Variants in ANTXR2 observed in about 807,000 individuals in gnomAD.
The protein encoded by ANTXR2 is ANTXR cell adhesion molecule 2.
ANTXR2 carries 44 observed loss-of-function variants against 73.7 expected under a neutral mutation model. The observed-to-expected ratio is 0.60, with a 90% CI of 0.47 to 0.77. ANTXR2 has a LOEUF of 0.77. Ranked by LOEUF, ANTXR2 falls within the 30% of genes least tolerant of loss-of-function variation. ANTXR2 has a pLI of 0.00. For synonymous variants in ANTXR2, 217 were observed against 205.9 expected (o/e 1.05, Z -0.46); for missense variants, 604 against 592.5 (o/e 1.02, Z -0.20).
intron 16 of ANTXR2, among the ~76,000 whole-genome samples, chr4:79,930,143 G>A (rs1727998905): frequency 6.6e-6 from 1 of 152,052 alleles, no homozygotes; most frequent in Non-Finnish European, 1.5e-5. Context: ...TACTTGTATA[G>A]TTCTTTTAAA....
chr4:80,005,212 T>C (rs1431028155), intron 12 of ANTXR2, among the ~76,000 whole-genome samples: 3 of 152,130 alleles, frequency 2.0e-5, no homozygotes, highest in African/African-American at 7.2e-5. Context: ...ACGATGCTCA[T>C]GGAGGTGGAT....
At chr4:80,001,348 G>A (rs1436697030) in intron 12 of ANTXR2, among the ~76,000 whole-genome samples, 1 of 128,116 alleles carries the variant, frequency 7.8e-6, no homozygotes, top group Non-Finnish European at 1.6e-5. Context: ...CCCAGAGTGT[G>A]ATATTCCCCT....
intron 16 of ANTXR2, among the ~76,000 whole-genome samples, chr4:79,911,419 G>GAAATAAT: frequency 6.6e-6 from 1 of 151,804 alleles, no homozygotes; most frequent in East Asian, 1.9e-4. Context: ...TTAACTAAAT[G>GAAATAAT]GTTTAATAAG....
intron 8 of ANTXR2, among the ~76,000 whole-genome samples, chr4:80,035,529 G>A (rs1001707613): frequency 1.3e-5 from 2 of 152,090 alleles, no homozygotes; most frequent in African/African-American, 4.8e-5. Context: ...AGCTGATAAA[G>A]CCACCTGCTT....
At chr4:80,000,095 A>G (rs181096840) in intron 12 of ANTXR2, among the ~76,000 whole-genome samples, 27 of 152,178 alleles carry the variant, frequency 1.8e-4, no homozygotes, top group Non-Finnish European at 3.8e-4. Flanking sequence ...TAAATTCACA[A>G]TTCTTAGGTG....
intron 12 of ANTXR2, among the ~76,000 whole-genome samples, chr4:80,007,287 C>T (rs770780780): frequency 7.2e-5 from 11 of 152,060 alleles, no homozygotes; most frequent in Non-Finnish European, 1.2e-4. Context: ...TTATGTAAAA[C>T]ATTACCATGA....
intron 16 of ANTXR2, among the ~76,000 whole-genome samples, chr4:79,951,092 CAAAAT>C (rs1728683436): frequency 6.6e-6 from 1 of 151,998 alleles, no homozygotes; most frequent in Admixed American, 6.6e-5. Flanking sequence ...TGTAGGAAAA[CAAAAT>C]AAAACAAACA....
chr4:79,975,914 C>CTTTTT lies in ANTXR2; in HGVS notation c.1428+1702_1428+1706dup, dbSNP rs528899255. ...CAGGAATAAATTTTCTCAAATTACACTTTTTTTTTTTTTTTTGAGACGTAG... is the reference window on the plus strand; with the variant it reads ...CAGGAATAAATTTTCTCAAATTACACTTTTTTTTTTTTTTTTTTTTTGAGACGTAG... On this transcript the variant is annotated intron_variant, in intron 16 of 16. Transcript: ENST00000403729. 4.7e-3 allele frequency among the ~76,000 whole-genome samples: 640 copies of CTTTTT among 135,728 alleles called. 16 individuals are homozygous for CTTTTT. Among genetic ancestry groups the CTTTTT allele is most frequent in the South Asian group, 0.013 (56 of 4,230 alleles). The allele number at this position is 135,728 out of a possible 152,430, so 89.0% of individuals were successfully genotyped here.
intron 16 of ANTXR2, among the ~76,000 whole-genome samples, chr4:79,933,990 G>A (rs1728163207): frequency 2.0e-5 from 3 of 151,834 alleles, no homozygotes; most frequent in Admixed American, 6.6e-5. Flanking sequence ...CGCCCGCCTC[G>A]GCCTCCCAAA....
intron 10 of ANTXR2, 105 bp from the exon 11 acceptor site, chr4:80,019,081 A>G: frequency 1.3e-6 from 1 of 744,018 alleles, no homozygotes; most frequent in East Asian, 3.3e-5. Flanking sequence ...ACATACTTAA[A>G]GAGTAAGGGT....
At chr4:80,036,782 C>T (rs181171305) in intron 7 of ANTXR2, among the ~76,000 whole-genome samples, 17 of 152,144 alleles carry the variant, frequency 1.1e-4, no homozygotes, top group East Asian at 7.7e-4. Context: ...AGCAAGCCTC[C>T]GTCTCAAACA....
rs1560849881 is a variant in ANTXR2, at chr4:79,915,814, GTCTCTGTCTCTCTCCC to G, written c.1429-8363_1429-8348del. 5.4e-5 allele frequency among the ~76,000 whole-genome samples: 5 copies of G among 93,156 alleles called. No homozygotes were observed. The South Asian group carries it at 2.1e-3, about 39-fold the overall frequency. 61.1% of individuals were successfully genotyped at this position (93,156 alleles called of 152,430 possible). A position where few individuals can be genotyped will look rare whatever the true frequency, so the allele number is the denominator to read the frequency against. ...TCTTTCTCTCTCTGTCTCTGTCTCT[GTCTCTGTCTCTCTCCC>G]TCTCTCTCTCTCTCTCTCTCTCTCT... On this transcript the variant is annotated intron_variant, in intron 16 of 16. Transcript: ENST00000403729.
chr4:79,902,016 T>C lies in ANTXR2; in HGVS notation c.*5413A>G, dbSNP rs1726724637. ...CATGGACCAGTACCAGTCCATGACC[T>C]GGGGGATGGGATCCCTGCTCTAGAA... On this transcript the variant is annotated 3_prime_UTR_variant, in exon 17 of 17. Transcript: ENST00000403729. 1 of 152,252 alleles carries C rather than the reference T, an allele frequency of 6.6e-6. No homozygotes were observed. The allele number at this position is 152,252 out of a possible 1,614,324, so 9.4% of individuals were successfully genotyped here.
intron 16 of ANTXR2, among the ~76,000 whole-genome samples, chr4:79,965,564 A>T: frequency 6.6e-6 from 1 of 152,250 alleles, no homozygotes; most frequent in East Asian, 1.9e-4. Flanking sequence ...CTGTATAAAT[A>T]CTTCATAAGA....
Position 79,907,281 on chromosome 4 carries a change from G to C in ANTXR2, c.*148C>G. On this transcript the variant is annotated 3_prime_UTR_variant, in exon 17 of 17. Coordinates refer to ENST00000403729, the MANE Select transcript of ANTXR2 (RefSeq NM_058172.6). Reference sequence around the variant, plus strand: ...AGAAATGTTTGGTGCAAGCAAAGCAGAAGGCAGAGAAAACATTTCCCGACT... The same window carrying C: ...AGAAATGTTTGGTGCAAGCAAAGCACAAGGCAGAGAAAACATTTCCCGACT... 1 of 833,990 alleles carries C rather than the reference G, an allele frequency of 1.2e-6. No individual in the cohort carries two copies. The highest frequency in any genetic ancestry group is 2.0e-6 in the Non-Finnish European group (1 of 512,368). The allele number at this position is 833,990 out of a possible 1,614,324, so 51.7% of individuals were successfully genotyped here. A position where few individuals can be genotyped will look rare whatever the true frequency, so the allele number is the denominator to read the frequency against.
intron 12 of ANTXR2, among the ~76,000 whole-genome samples, chr4:79,988,191 C>A (rs1730278141): frequency 7.3e-6 from 1 of 137,042 alleles, no homozygotes; most frequent in Admixed American, 7.4e-5. Flanking sequence ...CAAAACCCAA[C>A]TATACACTAT....
At chr4:80,069,411 T>C in intron 3 of ANTXR2, 25 bp downstream of exon 3, 2 of 1,531,304 alleles carry the variant, frequency 1.3e-6, no homozygotes, top group Non-Finnish European at 1.8e-6. Context: ...ACTAAAAGCC[T>C]GCAGTGAAAT....
chr4:79,904,447 T>C lies in ANTXR2; in HGVS notation c.*2982A>G, dbSNP rs903389386. 49 of 152,084 alleles carry C rather than the reference T, an allele frequency of 3.2e-4. No individual in the cohort carries two copies. The highest frequency in any genetic ancestry group is 1.1e-3 in the African/African-American group (47 of 41,420). 9.4% of individuals were successfully genotyped at this position (152,084 alleles called of 1,614,324 possible). The stretch of plus-strand genomic sequence containing the variant: ...CATCTCATTGGGAAGGAAATATAAA[T>C]TTTTAAAATAGAATTAACTTAGGGA... On this transcript the variant is annotated 3_prime_UTR_variant, in exon 17 of 17. Transcript: ENST00000403729.
chr4:80,063,339 A>T (rs1734348260), intron 3 of ANTXR2, among the ~76,000 whole-genome samples: 1 of 152,202 alleles, frequency 6.6e-6, no homozygotes, highest in African/African-American at 2.4e-5. Flanking sequence ...AGGACTCTCC[A>T]TAGTAATGGT....
Sources: allele counts gnomAD v4.1 joint callset (sites outside exome capture counted in the v4.1 genomes callset), GRCh38; gene constraint gnomAD v4.1.1; transcripts MANE v1.5; gene names NCBI Gene and HGNC (gene_info 2026-07-23, HGNC 2026-07-21).